The following NXPH1 variants were observed in gnomAD, a reference collection of about 807,000 sequenced individuals.
NXPH1 encodes neurexophilin 1.
NXPH1 carries 5 observed loss-of-function variants against 23.7 expected under a neutral mutation model. The ratio of observed to expected loss-of-function variants is 0.21; its 90% CI spans 0.11 to 0.44. NXPH1 has a LOEUF of 0.44. Among genes scored for constraint, NXPH1 ranks in the 20% least tolerant of loss-of-function variants. NXPH1 has a pLI of 0.99. For missense variants in NXPH1, 324 were observed against 321.6 expected (o/e 1.01, Z -0.06); for synonymous variants, 144 against 122.2 (o/e 1.18, Z -1.18).
chr7:8,649,513 C>T (rs1379520013), intron 2 of NXPH1, among the ~76,000 whole-genome samples: 1 of 152,102 alleles, frequency 6.6e-6, no homozygotes, highest in East Asian at 1.9e-4. Context: ...AAAATATTTC[C>T]TTAGTATTTC....
chr7:8,479,781 A>T (rs759275808), intron 2 of NXPH1, among the ~76,000 whole-genome samples: 9 of 152,140 alleles, frequency 5.9e-5, no homozygotes, highest in Non-Finnish European at 7.4e-5. Flanking sequence ...AGAACCTCCA[A>T]TTGGGACAAT....
At chr7:8,504,191 T>C (rs1239528061) in intron 2 of NXPH1, among the ~76,000 whole-genome samples, 2 of 152,052 alleles carry the variant, frequency 1.3e-5, no homozygotes, top group East Asian at 3.9e-4. Flanking sequence ...CTTTTGAAGC[T>C]CTAGAATGCT....
chr7:8,679,950 G>C (rs532285222), intron 2 of NXPH1, among the ~76,000 whole-genome samples: 3 of 152,258 alleles, frequency 2.0e-5, no homozygotes, highest in African/African-American at 4.8e-5. Context: ...GAACCCAGGA[G>C]GCTGAGGTTG....
intron 2 of NXPH1, among the ~76,000 whole-genome samples, chr7:8,497,790 A>G (rs1817363405): frequency 2.0e-5 from 3 of 152,038 alleles, no homozygotes; most frequent in Non-Finnish European, 2.9e-5. Context: ...TAGATTGTAA[A>G]AATTTTCTCC....
rs960725908 is a variant in NXPH1, at chr7:8,692,296, G to A, written c.55-58712G>A. 5.9e-5 allele frequency among the ~76,000 whole-genome samples: 9 copies of A among 152,134 alleles called. No homozygotes were observed. The East Asian group carries it at 1.2e-3, about 20-fold the overall frequency. On this transcript the variant is annotated intron_variant, in intron 2 of 2. Transcript: ENST00000405863. ...GCTGAGTGAAGAATTAACCACACAC[G>A]TAAGCCAGAAAGGAGGCTTGAAGAT... is the stretch of plus-strand genomic sequence containing the variant.
intron 2 of NXPH1, among the ~76,000 whole-genome samples, chr7:8,499,631 G>T (rs1817397894): frequency 6.6e-6 from 1 of 152,040 alleles, no homozygotes; most frequent in South Asian, 2.1e-4. Flanking sequence ...ACACAGAAAT[G>T]CTCCCAAATT....
At position 8,561,252 on chromosome 7, in the gene NXPH1, C is replaced by G. The variant is rs552160665; in HGVS notation, c.54+125485C>G. Among the ~76,000 whole-genome samples the G allele has an allele frequency of 2.6e-5, 4 of 151,276 alleles. No homozygotes were observed. In the South Asian group the frequency reaches 8.3e-4, roughly 31 times the overall value. On this transcript the variant is annotated intron_variant, in intron 2 of 2. Transcript: ENST00000405863. ...GGAGATTTGGTTGGTGAGGGAGAAC[C>G]GCTCACAACTGCTGAGCTAGCTGTA...
chr7:8,669,170 G>A (rs1820827588), intron 2 of NXPH1, among the ~76,000 whole-genome samples: 1 of 152,198 alleles, frequency 6.6e-6, no homozygotes, highest in Admixed American at 6.5e-5. Context: ...TGCTGGTGTG[G>A]GTGTGTGCTG....
chr7:8,630,215 T>C (rs1481103240), intron 2 of NXPH1, among the ~76,000 whole-genome samples: 1 of 152,144 alleles, frequency 6.6e-6, no homozygotes, highest in Admixed American at 6.6e-5. Context: ...AGACTTCACC[T>C]GGAAAGTTTT....
chr7:8,435,981 G>A lies in NXPH1; in HGVS notation c.54+214G>A, dbSNP rs1816186749. ...CTGCTCCAATCCCCCAGTCTCCTGC[G>A]CGTGATTCTTGAAAGGGGCTAGGGC... On this transcript the variant is annotated intron_variant, in intron 2 of 2. Coordinates refer to ENST00000405863, the MANE Select transcript of NXPH1 (RefSeq NM_152745.3). This position sits in a 1 kb window ranked among gnomAD's most constrained non-coding sequence, Gnocchi z 5.9. Among the ~76,000 whole-genome samples the A allele has an allele frequency of 6.6e-6, 1 of 152,150 alleles. No homozygotes were observed. Among genetic ancestry groups the A allele is most frequent in the African/African-American group, 2.4e-5 (1 of 41,428 alleles).
At chr7:8,627,500 C>T (rs1820018345) in intron 2 of NXPH1, among the ~76,000 whole-genome samples, 1 of 152,110 alleles carries the variant, frequency 6.6e-6, no homozygotes, top group South Asian at 2.1e-4. Context: ...ACTCTTGGCT[C>T]TTTGAGTAGT....
chr7:8,655,870 C>T (rs1195904866), intron 2 of NXPH1, among the ~76,000 whole-genome samples: 1 of 152,124 alleles, frequency 6.6e-6, no homozygotes, highest in Non-Finnish European at 1.5e-5. Flanking sequence ...AAAATCTTTC[C>T]TTGATCTCTA....
chr7:8,595,537 A>C (rs1819203368), intron 2 of NXPH1, among the ~76,000 whole-genome samples: 1 of 152,116 alleles, frequency 6.6e-6, no homozygotes, highest in South Asian at 2.1e-4. Flanking sequence ...CATTGTAAGT[A>C]TGAATTAGTC....
At chr7:8,617,818 A>G (rs995006673) in intron 2 of NXPH1, among the ~76,000 whole-genome samples, 1 of 152,138 alleles carries the variant, frequency 6.6e-6, no homozygotes, top group East Asian at 1.9e-4. Context: ...TTGTAATTTA[A>G]AGGATAAATG....
At chr7:8,543,983 G>C (rs187634266) in intron 2 of NXPH1, among the ~76,000 whole-genome samples, 1 of 151,514 alleles carries the variant, frequency 6.6e-6, no homozygotes, top group Non-Finnish European at 1.5e-5. Flanking sequence ...GGCAAAAGAG[G>C]TTAAGTGACT....
intron 2 of NXPH1, among the ~76,000 whole-genome samples, chr7:8,587,240 A>G (rs1314578445): frequency 2.0e-5 from 3 of 151,862 alleles, no homozygotes; most frequent in Non-Finnish European, 2.9e-5. Context: ...GTTCGTGTAT[A>G]TATCTCTAAT....
intron 2 of NXPH1, among the ~76,000 whole-genome samples, chr7:8,706,973 C>T (rs959937571): frequency 1.3e-5 from 2 of 152,108 alleles, no homozygotes; most frequent in African/African-American, 2.4e-5. Context: ...GATGAATACA[C>T]GAAAATTGCA....
chr7:8,724,138 A>C (rs1233918405), intron 2 of NXPH1, among the ~76,000 whole-genome samples: 1 of 152,170 alleles, frequency 6.6e-6, no homozygotes, highest in African/African-American at 2.4e-5. Flanking sequence ...CCAGGTCACT[A>C]AAGCTCACAG....
At chr7:8,485,330 C>T (rs1006137758) in intron 2 of NXPH1, among the ~76,000 whole-genome samples, 1 of 152,132 alleles carries the variant, frequency 6.6e-6, no homozygotes, top group Non-Finnish European at 1.5e-5. Context: ...GTCCATTAAA[C>T]CTTTTTCTTT....
Sources: allele counts gnomAD v4.1 joint callset (sites outside exome capture counted in the v4.1 genomes callset), GRCh38; gene constraint gnomAD v4.1.1; non-coding constraint Gnocchi (gnomAD v3.1); transcripts MANE v1.5; gene names NCBI Gene and HGNC (gene_info 2026-07-23, HGNC 2026-07-21).